Variants in ITGA3 observed in about 807,000 individuals in gnomAD.
ITGA3 encodes the protein integrin alpha-3.
ITGA3 carries 70 observed loss-of-function variants against 131.1 expected under a neutral mutation model. The ratio of observed to expected loss-of-function variants is 0.53; its 90% CI spans 0.44 to 0.65. The LOEUF is 0.65. Among genes scored for constraint, ITGA3 ranks in the 30% least tolerant of loss-of-function variants. ITGA3 has a pLI of 0.00. For missense variants in ITGA3, 1,098 were observed against 1,388.6 expected (o/e 0.79, Z 3.33); for synonymous variants, 537 against 571.6 (o/e 0.94, Z 0.86).
At chr17:50,058,466 C>T (rs1283695745) in intron 1 of ITGA3, among the ~76,000 whole-genome samples, 1 of 152,250 alleles carries the variant, frequency 6.6e-6, no homozygotes, top group Admixed American at 6.5e-5. Context: ...CACCTGAAGG[C>T]TCTTGCGCTG....
At position 50,088,372 on chromosome 17, in the gene ITGA3, A is replaced by T; in HGVS notation, c.*31+6A>T. 1 of 1,486,026 alleles carries T rather than the reference A, an allele frequency of 6.7e-7. No homozygotes were observed. Among genetic ancestry groups the T allele is most frequent in the Non-Finnish European group, 9.2e-7 (1 of 1,088,534 alleles). The allele number at this position is 1,486,026 out of a possible 1,614,324, so 92.1% of individuals were successfully genotyped here. A position where few individuals can be genotyped will look rare whatever the true frequency, so the allele number is the denominator to read the frequency against. The stretch of plus-strand genomic sequence containing the variant: ...CCCGCCCCCGGCCCACCTGGGTAAC[A>T]CGGCCTCCGGGCCCCCTTCCCCGAG... On this transcript the variant is annotated splice_donor_region_variant and intron_variant, in intron 25 of 25. Coordinates refer to ENST00000320031, the MANE Select transcript of ITGA3 (RefSeq NM_002204.4).
intron 21 of ITGA3, among the ~76,000 whole-genome samples, chr17:50,079,954 G>T (rs867278272): frequency 3.8e-4 from 58 of 152,314 alleles, no homozygotes; most frequent in Middle Eastern, 3.4e-3. Flanking sequence ...TGGAGAGTGG[G>T]AGGTGGTGTC....
Position 50,064,708 on chromosome 17 carries a change from C to A in ITGA3, c.414+101C>A. On this transcript the variant is annotated intron_variant, in intron 3 of 25. Transcript: ENST00000320031. The surrounding 1 kb of genome is among the most constrained non-coding windows in gnomAD (Gnocchi z 4.4). ...GAGGGCAGCAGGGGGGTCCACGGCG[C>A]GTGTGTGCTGGGGCCTGCACACATG... The A allele has an allele frequency of 1.1e-6, 1 of 948,092 alleles. No individual in the cohort carries two copies. The highest frequency in any genetic ancestry group is 1.6e-6 in the Non-Finnish European group (1 of 620,918). The allele number at this position is 948,092 out of a possible 1,614,324, so 58.7% of individuals were successfully genotyped here.
chr17:50,069,863 G>C (rs577278507), intron 4 of ITGA3, among the ~76,000 whole-genome samples: 69 of 152,174 alleles, frequency 4.5e-4, no homozygotes, highest in African/African-American at 1.4e-3. Flanking sequence ...CCATCTCTTT[G>C]CCTCCCTCCA....
chr17:50,075,855 G>C (rs541394455), intron 12 of ITGA3, 120 bp downstream of exon 12: 4 of 998,922 alleles, frequency 4.0e-6, no homozygotes, highest in Non-Finnish European at 6.0e-6. Context: ...TGGGGACATC[G>C]GTTTGGAAGG....
intron 7 of ITGA3, among the ~76,000 whole-genome samples, chr17:50,073,634 GCACA>G (rs929136109): frequency 8.2e-6 from 1 of 122,640 alleles, no homozygotes; most frequent in African/African-American, 3.4e-5. Flanking sequence ...ACACACACAC[GCACA>G]CACGCACACA....
chr17:50,073,143 T>C (rs1429598274), intron 7 of ITGA3, among the ~76,000 whole-genome samples: 1 of 152,188 alleles, frequency 6.6e-6, no homozygotes, highest in Non-Finnish European at 1.5e-5. Flanking sequence ...GCTGATTCCC[T>C]AGGCCTTATC....
Position 50,068,265 on chromosome 17 carries a change from C to T in ITGA3, c.624C>T (p.Asn208=), listed in dbSNP as rs757530077. 1 of 1,613,752 alleles carries T rather than the reference C, an allele frequency of 6.2e-7. No homozygotes were observed. Among genetic ancestry groups the T allele is most frequent in the Admixed American group, 1.7e-5 (1 of 60,020 alleles). The part of the protein sequence containing the change: ...QLGTSGGFTQ[N]TVYFGAPGAY... ...GCACCAGCGGTGGCTTCACCCAGAA[C>T]ACTGTGTACTTCGGCGCCCCCGGTG... Residue 208 remains asparagine, a synonymous_variant, in exon 4 of 26, where the codon AAC becomes AAT. Coordinates refer to ENST00000320031, the MANE Select transcript of ITGA3 (RefSeq NM_002204.4).
intron 4 of ITGA3, among the ~76,000 whole-genome samples, chr17:50,068,824 T>TAA (rs1396389788): frequency 1.3e-4 from 17 of 132,118 alleles, no homozygotes; most frequent in African/African-American, 4.3e-4. Context: ...TTTTATTTAT[T>TAA]TATTTATTTA....
At chr17:50,067,719 G>C (rs1452924248) in intron 3 of ITGA3, among the ~76,000 whole-genome samples, 2 of 152,200 alleles carry the variant, frequency 1.3e-5, no homozygotes, top group Non-Finnish European at 2.9e-5. Context: ...GGAGATGGCA[G>C]AGCAGCAAGT....
chr17:50,057,092 A>G lies in ITGA3; in HGVS notation c.206+447A>G, dbSNP rs1054497977. ...CTCGCTGGTAGTCTGCGGCCACGCC[A>G]GCCACACCCTCTGCAGAGCCAGACT... On this transcript the variant is annotated intron_variant, in intron 1 of 25. Coordinates refer to ENST00000320031, the MANE Select transcript of ITGA3 (RefSeq NM_002204.4). 3.3e-5 allele frequency among the ~76,000 whole-genome samples: 5 copies of G among 152,372 alleles called. No individual in the cohort carries two copies. The South Asian group carries it at 8.3e-4, about 25-fold the overall frequency.
At chr17:50,076,953 G>C in intron 14 of ITGA3, 21 bp from the exon 15 acceptor site, 1 of 1,596,252 alleles carries the variant, frequency 6.3e-7, no homozygotes, top group East Asian at 2.2e-5. Context: ...TCTTGGCTGA[G>C]TCCTGGGCTC....
At chr17:50,065,907 T>C (rs74533491) in intron 3 of ITGA3, 15,940 of 151,762 alleles carry the variant, frequency 0.11, 1,248 homozygotes, top group East Asian at 0.32. Context: ...GTGGTGCCCG[T>C]CTGTTGTCCC....
In ITGA3 at chr17:50,089,472, C is replaced by T. The variant is rs185004383; in HGVS notation, c.*394C>T. On this transcript the variant is annotated 3_prime_UTR_variant, in exon 26 of 26. Coordinates refer to ENST00000320031, the MANE Select transcript of ITGA3 (RefSeq NM_002204.4). ...GCCAGCGCTGTGGACCTTACAACGC[C>T]GAGTGCACTGCATTCCTGTGCCCTA... The T allele has an allele frequency of 1.2e-3, 710 of 582,984 alleles. 5 individuals are homozygous for T. The highest frequency in any genetic ancestry group is 0.012 in the African/African-American group (636 of 53,628). 36.1% of individuals were successfully genotyped at this position (582,984 alleles called of 1,614,324 possible).
chr17:50,083,541 G>A (rs1398499886), intron 23 of ITGA3, among the ~76,000 whole-genome samples: 2 of 151,862 alleles, frequency 1.3e-5, no homozygotes, highest in East Asian at 1.9e-4. Context: ...TGGGCAACAT[G>A]GTGAGACCTT....
intron 18 of ITGA3, 137 bp from the exon 19 acceptor site, chr17:50,078,687 G>T: frequency 3.0e-6 from 2 of 660,936 alleles, no homozygotes; most frequent in Non-Finnish European, 5.4e-6. Context: ...CATAAAGCTT[G>T]TAAATGCAGA....
At chr17:50,067,351 G>T (rs1490775738) in intron 3 of ITGA3, among the ~76,000 whole-genome samples, 1 of 152,194 alleles carries the variant, frequency 6.6e-6, no homozygotes, top group Non-Finnish European at 1.5e-5. Flanking sequence ...AGCAGCTAAA[G>T]TGCACCCAGA....
intron 4 of ITGA3, among the ~76,000 whole-genome samples, chr17:50,069,793 C>T (rs767566232): frequency 5.3e-5 from 8 of 152,200 alleles, no homozygotes; most frequent in Non-Finnish European, 7.3e-5. Context: ...AAAGACCATG[C>T]TTGTAAAAGA....
At chr17:50,077,226 T>C in intron 15 of ITGA3, 105 bp downstream of exon 15, 1 of 1,327,268 alleles carries the variant, frequency 7.5e-7, no homozygotes. Context: ...CGTGCCCACC[T>C]CCTCTGGTCT....
Sources: allele counts gnomAD v4.1 joint callset (sites outside exome capture counted in the v4.1 genomes callset), GRCh38; gene constraint gnomAD v4.1.1; non-coding constraint Gnocchi (gnomAD v3.1); transcripts MANE v1.5; gene names NCBI Gene and HGNC (gene_info 2026-07-23, HGNC 2026-07-21).